The following DHRSX variants were observed in gnomAD, a reference collection of about 807,000 sequenced individuals.
DHRSX encodes the protein dehydrogenase/reductase X-linked.
A neutral mutation model predicts 34.0 loss-of-function variants in DHRSX; 31 were observed. That is an observed-to-expected ratio of 0.91 (90% CI 0.69 to 1.23). The LOEUF is 1.23. Ranked by LOEUF, DHRSX falls within the 50% of genes most tolerant of loss-of-function variation. The pLI is 0.00. For missense variants in DHRSX, 414 were observed against 428.1 expected (o/e 0.97, Z 0.29); for synonymous variants, 201 against 183.8 (o/e 1.09, Z -0.76).
intron 1 of DHRSX, chrX:2,486,923 C>T (rs1326563884): frequency 6.6e-6 from 1 of 152,208 alleles, no homozygotes; most frequent in Non-Finnish European, 1.5e-5. Context: ...GTTCCTTTGC[C>T]CTCTGACACC....
chrX:2,447,021 C>T (rs1329817714), intron 1 of DHRSX, among the ~76,000 whole-genome samples: 1 of 151,000 alleles, frequency 6.6e-6, no homozygotes, highest in African/African-American at 2.4e-5. Context: ...GGCATGAGGC[C>T]AAGGGACCGC....
chrX:2,322,338 C>T (rs1366880135), intron 3 of DHRSX, among the ~76,000 whole-genome samples: 1 of 151,950 alleles, frequency 6.6e-6, no homozygotes, highest in Non-Finnish European at 1.5e-5. Flanking sequence ...CACCTAAGGT[C>T]AGGAGTTCAA....
Position 2,353,997 on chromosome X carries a change from G to A in DHRSX, c.286+54748C>T, listed in dbSNP as rs758964861. Among the ~76,000 whole-genome samples, 13 of 152,252 alleles carry A rather than the reference G, an allele frequency of 8.5e-5. No homozygotes were observed. In the South Asian group the frequency reaches 2.7e-3, roughly 32 times the overall value. On this transcript the variant is annotated intron_variant, in intron 3 of 6. Transcript: ENST00000334651. ...AAGAAGGCAGCGTATCCCTTCACAA[G>A]CCCCTTTCCATGACTTTTCTACATG...
At chrX:2,263,430 G>C (rs763372675) in intron 5 of DHRSX, among the ~76,000 whole-genome samples, 2 of 152,058 alleles carry the variant, frequency 1.3e-5, no homozygotes, top group South Asian at 4.2e-4. Context: ...GGCACACTTT[G>C]ATCTTGGACT....
chrX:2,436,826 T>A (rs946665757), intron 1 of DHRSX, among the ~76,000 whole-genome samples: 1 of 151,742 alleles, frequency 6.6e-6, no homozygotes, highest in Non-Finnish European at 1.5e-5. Flanking sequence ...AGAGATGGGG[T>A]CTCACTATGT....
rs370899136 is a variant in DHRSX, at chrX:2,371,404, A to ATTACCATAGTCCCTCCTTCCG, written c.286+37340_286+37341insCGGAAGGAGGGACTATGGTAA. Among the ~76,000 whole-genome samples the ATTACCATAGTCCCTCCTTCCG allele has an allele frequency of 1.8e-3, 262 of 142,712 alleles. 2 individuals are homozygous for ATTACCATAGTCCCTCCTTCCG. Among genetic ancestry groups the ATTACCATAGTCCCTCCTTCCG allele is most frequent in the African/African-American group, 6.8e-3 (248 of 36,392 alleles). 93.6% of individuals were successfully genotyped at this position (142,712 alleles called of 152,430 possible). On this transcript the variant is annotated intron_variant, in intron 3 of 6. Transcript: ENST00000334651. ...CGTTACCACAGTCCCCCCTTCTCAC[A>ATTACCATAGTCCCTCCTTCCG]TTACCATAGTCCCTCCTTCTGTTAC...
In DHRSX at chrX:2,500,920, C is replaced by A. The variant is rs779491299; in HGVS notation, c.6G>T (p.Ser2=). Residue 2 remains serine (S), a synonymous_variant, in exon 1 of 7, where the codon TCG becomes TCT. Transcript: ENST00000334651. M[S]PLSAARAALR... ...GGGCCGCCCGCGCCGCAGACAATGG[C>A]GACATGGCTGCCCCGGCCGCGCCGC... The A allele has an allele frequency of 1.8e-6, 2 of 1,092,146 alleles. 1 individual carries two copies. The highest frequency in any genetic ancestry group is 7.9e-5 in the South Asian group (2 of 25,242). 67.7% of individuals were successfully genotyped at this position (1,092,146 alleles called of 1,614,324 possible).
chrX:2,265,515 A>G (rs1176833415), intron 5 of DHRSX, among the ~76,000 whole-genome samples: 8 of 129,474 alleles, frequency 6.2e-5, no homozygotes, highest in South Asian at 5.4e-4. Context: ...CCAGAGCACC[A>G]GTGTCCAGCA....
intron 6 of DHRSX, among the ~76,000 whole-genome samples, chrX:2,235,673 G>A (rs2015995615): frequency 6.9e-6 from 1 of 145,606 alleles, no homozygotes; most frequent in Non-Finnish European, 1.5e-5. Flanking sequence ...AACCCGGGAG[G>A]CAGGTGTTGC....
chrX:2,288,842 T>G (rs992448059), intron 4 of DHRSX, among the ~76,000 whole-genome samples: 13 of 152,242 alleles, frequency 8.5e-5, no homozygotes, highest in African/African-American at 3.1e-4. Flanking sequence ...CTGTCCCAGT[T>G]TCCAGAATAT....
chrX:2,361,757 AAAG>A lies in DHRSX; in HGVS notation c.286+46985_286+46987del, dbSNP rs1436142031. 3.9e-5 allele frequency among the ~76,000 whole-genome samples: 6 copies of A among 152,300 alleles called. No homozygotes were observed. In the South Asian group the frequency reaches 6.2e-4, roughly 16 times the overall value. On this transcript the variant is annotated intron_variant, in intron 3 of 6. Coordinates refer to ENST00000334651, the MANE Select transcript of DHRSX (RefSeq NM_145177.3). The stretch of plus-strand genomic sequence containing the variant: ...GAACATGGCATGATTCAAATTCTAA[AAAG>A]AAGATGTCTGGATAAGCACTTTTGA...
chrX:2,457,983 C>A (rs368309968), intron 1 of DHRSX, among the ~76,000 whole-genome samples: 1 of 151,540 alleles, frequency 6.6e-6, no homozygotes, highest in African/African-American at 2.4e-5. Context: ...AAGGGACCAC[C>A]GCAGTGTGCA....
chrX:2,324,304 A>G (rs973151716), intron 3 of DHRSX, among the ~76,000 whole-genome samples: 3 of 152,088 alleles, frequency 2.0e-5, no homozygotes, highest in African/African-American at 7.2e-5. Flanking sequence ...CCTGTCTGTG[A>G]GTTTATGATG....
At chrX:2,225,131 TGC>T (rs1014063325) in intron 6 of DHRSX, among the ~76,000 whole-genome samples, 2 of 146,314 alleles carry the variant, frequency 1.4e-5, no homozygotes, top group African/African-American at 5.1e-5. Flanking sequence ...CTCATTCACA[TGC>T]ACTCATTCAC....
intron 3 of DHRSX, among the ~76,000 whole-genome samples, chrX:2,397,761 C>T (rs2043430014): frequency 6.6e-6 from 1 of 152,132 alleles, no homozygotes; most frequent in Admixed American, 6.5e-5. Flanking sequence ...CCCCAGTCCT[C>T]GTTACGGGCG....
intron 1 of DHRSX, among the ~76,000 whole-genome samples, chrX:2,493,027 G>C (rs1273389984): frequency 6.6e-6 from 1 of 152,222 alleles, no homozygotes; most frequent in Non-Finnish European, 1.5e-5. Context: ...ACGCCGCCAC[G>C]TGCCAGGTGA....
At chrX:2,452,819 T>TC (rs1286023524) in intron 1 of DHRSX, among the ~76,000 whole-genome samples, 1 of 152,172 alleles carries the variant, frequency 6.6e-6, no homozygotes, top group Non-Finnish European at 1.5e-5. Context: ...GTGAAGACGT[T>TC]CCAAAGGTCC....
chrX:2,489,331 G>A lies in DHRSX; in HGVS notation c.109+11486C>T, dbSNP rs780748383. 8.7e-6 allele frequency: 14 copies of A among 1,613,886 alleles called. No individual in the cohort carries two copies. In the South Asian group the frequency reaches 9.9e-5, roughly 11 times the overall value. ...CCACGTTGAGAAACATGTCGATCTC[G>A]GGCGTCTCCTGGTAGGTCTTGGAAA... On this transcript the variant is annotated intron_variant, in intron 1 of 6. Coordinates refer to ENST00000334651, the MANE Select transcript of DHRSX (RefSeq NM_145177.3).
chrX:2,469,936 T>C (rs1186341986), intron 1 of DHRSX, among the ~76,000 whole-genome samples: 2 of 152,124 alleles, frequency 1.3e-5, no homozygotes, highest in African/African-American at 2.4e-5. Context: ...AGCCCATCAA[T>C]GGGATACCTG....
Sources: allele counts gnomAD v4.1 joint callset (sites outside exome capture counted in the v4.1 genomes callset), GRCh38; gene constraint gnomAD v4.1.1; transcripts MANE v1.5; gene names NCBI Gene and HGNC (gene_info 2026-07-23, HGNC 2026-07-21).